Variants in KLF9 observed in about 807,000 individuals in gnomAD.
KLF9 encodes Krueppel-like factor 9.
Under a neutral mutation model 17.3 loss-of-function variants are expected in KLF9, and 2 were observed. The ratio of observed to expected loss-of-function variants is 0.12; its 90% confidence interval spans 0.05 to 0.36. The LOEUF is 0.36. Among genes scored for constraint, KLF9 ranks in the 10% least tolerant of loss-of-function variants. The pLI is 1.00. For missense variants in KLF9, 226 were observed against 333.2 expected (o/e 0.68, Z 2.51); for synonymous variants, 138 against 139.2 (o/e 0.99, Z 0.06).
At chr9:70,411,119 A>G (rs909084479) in intron 1 of KLF9, among the ~76,000 whole-genome samples, 1 of 152,216 alleles carries the variant, frequency 6.6e-6, no homozygotes, top group African/African-American at 2.4e-5. Context: ...CCATTTCTAT[A>G]AATGCCTGAG....
intron 1 of KLF9, among the ~76,000 whole-genome samples, chr9:70,397,935 C>T (rs887317289): frequency 6.6e-6 from 1 of 152,160 alleles, no homozygotes. Flanking sequence ...ATACACATTA[C>T]GGAAGAGGTG....
At chr9:70,393,886 G>C (rs957665812) in intron 1 of KLF9, among the ~76,000 whole-genome samples, 1 of 152,228 alleles carries the variant, frequency 6.6e-6, no homozygotes, top group Admixed American at 6.5e-5. Flanking sequence ...GCCAGGCGTA[G>C]TGGTGCTTGC....
intron 1 of KLF9, among the ~76,000 whole-genome samples, chr9:70,391,616 G>C (rs1268324767): frequency 6.6e-6 from 1 of 152,160 alleles, no homozygotes; most frequent in Non-Finnish European, 1.5e-5. Flanking sequence ...TGAGTTGCTA[G>C]TATAAAAGGC....
At position 70,397,539 on chromosome 9, in the gene KLF9, C is replaced by T. The variant is rs2037190017; in HGVS notation, c.506-9534G>A. On this transcript the variant is annotated intron_variant, in intron 1 of 1. Coordinates refer to ENST00000377126, the MANE Select transcript of KLF9 (RefSeq NM_001206.4). ...ATATACTACATCTGTCTTCTCACTC[C>T]TCTATTTCCACCTCTCCTACTTTTT... Among the ~76,000 whole-genome samples, 3 of 151,998 alleles carry T rather than the reference C, an allele frequency of 2.0e-5. 1 individual carries two copies. The highest frequency in any genetic ancestry group is 6.6e-5 in the Admixed American group (1 of 15,246).
At chr9:70,401,726 A>G (rs915143277) in intron 1 of KLF9, among the ~76,000 whole-genome samples, 28 of 150,756 alleles carry the variant, frequency 1.9e-4, no homozygotes, top group African/African-American at 4.4e-4. Flanking sequence ...GAAAAGAAAA[A>G]AAATTAGGCT....
chr9:70,403,379 T>C (rs1178678532), intron 1 of KLF9, among the ~76,000 whole-genome samples: 2 of 152,132 alleles, frequency 1.3e-5, no homozygotes, highest in Non-Finnish European at 2.9e-5. Flanking sequence ...AGTGATTCAT[T>C]TCAGGGATGG....
intron 1 of KLF9, among the ~76,000 whole-genome samples, chr9:70,397,272 T>G (rs1418849756): frequency 1.3e-5 from 2 of 152,008 alleles, no homozygotes. Flanking sequence ...GTGAGGAGGT[T>G]GAGACCATCC....
chr9:70,385,244 T>A lies in KLF9; in HGVS notation c.*2532A>T, dbSNP rs972826476. Reference sequence around the variant, plus strand: ...TTCAATGAACTCTAGTAGTCCTATTTGAACCATATCTTGATATAGTAAATC... The same window carrying A: ...TTCAATGAACTCTAGTAGTCCTATTAGAACCATATCTTGATATAGTAAATC... On this transcript the variant is annotated 3_prime_UTR_variant, in exon 2 of 2. Coordinates refer to ENST00000377126, the MANE Select transcript of KLF9 (RefSeq NM_001206.4). 1 of 152,688 alleles carries A rather than the reference T, an allele frequency of 6.5e-6. No homozygotes were observed. Among genetic ancestry groups the A allele is most frequent in the Non-Finnish European group, 1.5e-5 (1 of 68,042 alleles). The allele number at this position is 152,688 out of a possible 1,614,324, so 9.5% of individuals were successfully genotyped here.
intron 1 of KLF9, among the ~76,000 whole-genome samples, chr9:70,391,971 C>A (rs1288665199): frequency 2.0e-5 from 3 of 152,084 alleles, no homozygotes; most frequent in African/African-American, 7.2e-5. Context: ...GCCTGCAAAG[C>A]TGAAAATATT....
chr9:70,387,918 G>T lies in KLF9; in HGVS notation c.593C>A (p.Thr198Asn). ...CGGACAGCGGAACTGCTTTTCCCCA[G>T]TGTGGGTCCGGTAGTGGCGGGTCAG... Reference protein sequence around the residue: ...DELTRHYRTHTGEKQFRCPLC... With the variant: ...DELTRHYRTHNGEKQFRCPLC... Residue 198 changes from threonine (T) to asparagine (N), a missense_variant, in exon 2 of 2, where the codon ACT becomes AAT. Coordinates refer to ENST00000377126, the MANE Select transcript of KLF9 (RefSeq NM_001206.4). 1.2e-6 allele frequency: 2 copies of T among 1,614,168 alleles called. No individual in the cohort carries two copies. Among genetic ancestry groups the T allele is most frequent in the Non-Finnish European group, 1.7e-6 (2 of 1,180,036 alleles).
chr9:70,401,641 C>T lies in KLF9; in HGVS notation c.505+11218G>A, dbSNP rs540093609. On this transcript the variant is annotated intron_variant, in intron 1 of 1. Coordinates refer to ENST00000377126, the MANE Select transcript of KLF9 (RefSeq NM_001206.4). ...GGCAGAGGGTGCAGTGAGCTGAGAT[C>T]GCACCACTGCACTCTAGTCTGGGCA... Among the ~76,000 whole-genome samples the T allele has an allele frequency of 5.2e-3, 666 of 128,622 alleles. 8 individuals carry two copies. The highest frequency in any genetic ancestry group is 7.9e-3 in the Non-Finnish European group (500 of 63,072). 84.4% of individuals were successfully genotyped at this position (128,622 alleles called of 152,430 possible).
intron 1 of KLF9, among the ~76,000 whole-genome samples, chr9:70,401,210 T>C (rs532238297): frequency 6.7e-6 from 1 of 148,580 alleles, no homozygotes; most frequent in Non-Finnish European, 1.5e-5. Context: ...TAGCTGGGCA[T>C]GGTGGTGCGT....
chr9:70,395,935 A>AAAAT (rs540894264), intron 1 of KLF9, among the ~76,000 whole-genome samples: 23 of 152,286 alleles, frequency 1.5e-4, no homozygotes, highest in South Asian at 4.1e-4. Flanking sequence ...ACGCTGCCTC[A>AAAAT]AAATAAATAA....
rs552028233 is a variant in KLF9 at position 70,387,482 on chromosome 9, A to C, written c.*294T>G. 290 of 219,976 alleles carry C rather than the reference A, an allele frequency of 1.3e-3. 2 individuals are homozygous for C. Among genetic ancestry groups the C allele is most frequent in the Non-Finnish European group, 6.8e-4 (75 of 110,478 alleles). The allele number at this position is 219,976 out of a possible 1,614,324, so 13.6% of individuals were successfully genotyped here. On this transcript the variant is annotated 3_prime_UTR_variant, in exon 2 of 2. Coordinates refer to ENST00000377126, the MANE Select transcript of KLF9 (RefSeq NM_001206.4). Reference sequence around the variant, plus strand: ...CAAAAAAATAAAAGGAGAAAAAAAAACAAAAACAAAAACCAAAAAACCCAA... The same window carrying C: ...CAAAAAAATAAAAGGAGAAAAAAAACCAAAAACAAAAACCAAAAAACCCAA...
chr9:70,404,555 C>T (rs2037244028), intron 1 of KLF9, among the ~76,000 whole-genome samples: 2 of 151,894 alleles, frequency 1.3e-5, no homozygotes, highest in African/African-American at 2.4e-5. Context: ...GAGCCAAGAT[C>T]CTTCATGCCA....
chr9:70,412,035 G>A (rs1180499770), intron 1 of KLF9, among the ~76,000 whole-genome samples: 1 of 151,774 alleles, frequency 6.6e-6, no homozygotes, highest in Non-Finnish European at 1.5e-5. Flanking sequence ...TCATTTGTAC[G>A]GCCATGCCTC....
In KLF9 at chr9:70,406,900, A is replaced by AG. The variant is rs1491216421; in HGVS notation, c.505+5958_505+5959insC. Among the ~76,000 whole-genome samples, 323 of 65,332 alleles carry AG rather than the reference A, an allele frequency of 4.9e-3. 2 individuals are homozygous for AG. Among genetic ancestry groups the AG allele is most frequent in the Admixed American group, 0.013 (65 of 4,986 alleles). The allele number at this position is 65,332 out of a possible 152,430, so 42.9% of individuals were successfully genotyped here. A position where few individuals can be genotyped will look rare whatever the true frequency, so the allele number is the denominator to read the frequency against. On this transcript the variant is annotated intron_variant, in intron 1 of 1. Coordinates refer to ENST00000377126, the MANE Select transcript of KLF9 (RefSeq NM_001206.4). Reference sequence around the variant, plus strand: ...CAAAGGGAAAGAGAGAGAGAGAGAGAAAAAAAAAAAAAGAACACGGAAGAT... The same window carrying AG: ...CAAAGGGAAAGAGAGAGAGAGAGAGAGAAAAAAAAAAAAGAACACGGAAGAT...
chr9:70,394,348 C>G (rs1351239866), intron 1 of KLF9, among the ~76,000 whole-genome samples: 1 of 151,716 alleles, frequency 6.6e-6, no homozygotes, highest in Non-Finnish European at 1.5e-5. Flanking sequence ...CATATACACA[C>G]TCTTATCGTG....
At chr9:70,399,173 G>C (rs2037203563) in intron 1 of KLF9, among the ~76,000 whole-genome samples, 1 of 152,142 alleles carries the variant, frequency 6.6e-6, no homozygotes, top group South Asian at 2.1e-4. Context: ...GGCCCTGCCT[G>C]AAAACTAAAA....
Sources: allele counts gnomAD v4.1 joint callset (sites outside exome capture counted in the v4.1 genomes callset), GRCh38; gene constraint gnomAD v4.1.1; transcripts MANE v1.5; gene names NCBI Gene and HGNC (gene_info 2026-07-23, HGNC 2026-07-21).